The following NLRP9 variants were observed in gnomAD, a reference collection of about 807,000 sequenced individuals.
NLRP9 encodes the protein NLR family pyrin domain containing 9.
In NLRP9, 88 loss-of-function variants were observed where a neutral mutation model predicts 83.1. The observed-to-expected ratio is 1.06, with a 90% CI of 0.89 to 1.26. The LOEUF is 1.26. Ranked by LOEUF, NLRP9 falls within the 50% of genes most tolerant of loss-of-function variation. The probability of loss-of-function intolerance (pLI) is 0.00; values close to 1 mark genes in which losing one functional copy is unlikely to be tolerated. For missense variants in NLRP9, 1,308 were observed against 1,179.3 expected (o/e 1.11, Z -1.60); for synonymous variants, 521 against 447.6 (o/e 1.16, Z -2.07).
At chr19:55,723,815 C>G (rs1988310671) in intron 4 of NLRP9, among the ~76,000 whole-genome samples, 165 bp downstream of exon 4, 1 of 151,826 alleles carries the variant, frequency 6.6e-6, no homozygotes. Flanking sequence ...GAGGCCTTGC[C>G]CGGCAGAATC....
chr19:55,717,868 C>G (rs1281463058), intron 4 of NLRP9, among the ~76,000 whole-genome samples: 6 of 152,150 alleles, frequency 3.9e-5, no homozygotes, highest in Admixed American at 2.6e-4. Flanking sequence ...CATCCACACG[C>G]CACGCCCCAG....
chr19:55,708,932 T>C lies in NLRP9; in HGVS notation c.2956A>G (p.Ile986Val). 6.4e-7 allele frequency: 1 copy of C among 1,565,590 alleles called. No individual in the cohort carries two copies. The highest frequency in any genetic ancestry group is 8.6e-7 in the Non-Finnish European group (1 of 1,162,060). ...CCCCATCAGAGGAGCACACCCCTGATCTTGTATTCCTCGTCAATCCAAGGT... is the reference window on the plus strand; with the variant it reads ...CCCCATCAGAGGAGCACACCCCTGACCTTGTATTCCTCGTCAATCCAAGGT... ...HGPWIDEEYK[I>V]RGVLL Residue 986 changes from isoleucine (I) to valine (V), a missense_variant, in exon 9 of 9, where the codon ATC becomes GTC. By Grantham distance (29) the Ile-to-Val change is conservative. Coordinates refer to ENST00000332836, the MANE Select transcript of NLRP9 (RefSeq NM_176820.4).
At chr19:55,726,631 T>C (rs1243493696) in intron 3 of NLRP9, among the ~76,000 whole-genome samples, 1 of 152,196 alleles carries the variant, frequency 6.6e-6, no homozygotes, top group Non-Finnish European at 1.5e-5. Flanking sequence ...TTTTCTCAAG[T>C]ATAACTTCTT....
Position 55,729,850 on chromosome 19 carries a change from A to T in NLRP9, c.1975T>A (p.Cys659Ser). The T allele has an allele frequency of 6.2e-7, 1 of 1,612,520 alleles. No individual in the cohort carries two copies. Among genetic ancestry groups the T allele is most frequent in the Non-Finnish European group, 8.5e-7 (1 of 1,179,436 alleles). The change falls in exon 3 of 9, where the codon TGT (cysteine) becomes AGT (serine). Residue 659 changes from cysteine (C) to serine (S), a missense_variant. By Grantham distance (112) the Cys-to-Ser change is moderately radical (BLOSUM62 -1). Coordinates refer to ENST00000332836, the MANE Select transcript of NLRP9 (RefSeq NM_176820.4). The part of the protein sequence containing the change: ...ILCKALAQPV[C>S]KLRKLIFTSV... ...ACTTACATGAGTTTTCGGAGTTTAC[A>T]AACAGGCTGAGCCAGCGCTTTGCAA...
chr19:55,712,005 A>G (rs1365211090), intron 7 of NLRP9, 35 bp from the exon 8 acceptor site: 12 of 1,601,028 alleles, frequency 7.5e-6, no homozygotes, highest in Non-Finnish European at 9.4e-6. Flanking sequence ...AATCCACTCT[A>G]GCTTTGGGTA....
chr19:55,731,821 A>C (rs1988579930), intron 2 of NLRP9, among the ~76,000 whole-genome samples, 178 bp downstream of exon 2: 1 of 152,088 alleles, frequency 6.6e-6, no homozygotes, highest in Non-Finnish European at 1.5e-5. Flanking sequence ...CAATGGAAAA[A>C]GTTCAAGAAG....
Position 55,732,908 on chromosome 19 carries a change from G to C in NLRP9, c.923C>G (p.Ser308Cys), listed in dbSNP as rs762815278. Residue 308 changes from serine to cysteine, a missense_variant, in exon 2 of 9, where the codon TCC (serine) becomes TGC (cysteine). Transcript: ENST00000332836. ...TTTGCTCTTCTCACCAAAGAAGTAG[G>C]AGAAATACGACTTCTTTTCAGATTC... is the stretch of plus-strand genomic sequence containing the variant. Reference protein sequence around the residue: ...FSESEKKSYFSYFFGEKSKAL... With the variant: ...FSESEKKSYFCYFFGEKSKAL... 10 of 1,613,786 alleles carry C rather than the reference G, an allele frequency of 6.2e-6. No homozygotes were observed. The highest frequency in any genetic ancestry group is 8.5e-6 in the Non-Finnish European group (10 of 1,179,982).
intron 4 of NLRP9, among the ~76,000 whole-genome samples, chr19:55,721,001 C>T (rs1988207821): frequency 6.6e-6 from 1 of 152,176 alleles, no homozygotes; most frequent in Admixed American, 6.6e-5. Context: ...AAGATCAACA[C>T]CCTTAAGTGT....
At chr19:55,725,284 A>T (rs1222745530) in intron 3 of NLRP9, among the ~76,000 whole-genome samples, 1 of 152,210 alleles carries the variant, frequency 6.6e-6, no homozygotes, top group African/African-American at 2.4e-5. Context: ...ACCATATATA[A>T]TATGTATTTA....
At chr19:55,715,318 A>G in intron 5 of NLRP9, 93 bp from the exon 6 acceptor site, 4 of 1,064,190 alleles carry the variant, frequency 3.8e-6, no homozygotes, top group Non-Finnish European at 5.4e-6. Context: ...GAAGCTTCCT[A>G]TGGTAATATT....
intron 5 of NLRP9, 124 bp downstream of exon 5, chr19:55,716,604 A>G: frequency 1.3e-6 from 1 of 760,998 alleles, no homozygotes. Context: ...AAAGGAACTC[A>G]GGTCTAGCTA....
intron 8 of NLRP9, 65 bp from the exon 9 acceptor site, chr19:55,709,109 A>G: frequency 8.6e-7 from 1 of 1,159,790 alleles, no homozygotes. Context: ...GCCTCTCTAC[A>G]TTCTGATGTC....
chr19:55,717,966 T>C (rs58869521), intron 4 of NLRP9, among the ~76,000 whole-genome samples: 17,442 of 152,092 alleles, frequency 0.11, 1,405 homozygotes, highest in East Asian at 0.23. Flanking sequence ...AAGGAAGACA[T>C]AAGAAACTCC....
intron 4 of NLRP9, among the ~76,000 whole-genome samples, chr19:55,718,964 G>T (rs1988130416): frequency 6.6e-6 from 1 of 152,152 alleles, no homozygotes; most frequent in East Asian, 1.9e-4. Flanking sequence ...TTATTAAATT[G>T]AGAGTCAGAT....
intron 4 of NLRP9, 105 bp from the exon 5 acceptor site, chr19:55,717,003 G>A (rs1039159271): frequency 2.4e-5 from 19 of 788,592 alleles, no homozygotes; most frequent in Admixed American, 6.7e-5. Flanking sequence ...TGCACCTGCC[G>A]ATCCATTATC....
At chr19:55,720,322 G>T (rs1988185380) in intron 4 of NLRP9, among the ~76,000 whole-genome samples, 1 of 152,108 alleles carries the variant, frequency 6.6e-6, no homozygotes, top group Non-Finnish European at 1.5e-5. Context: ...TTTGGGCTTG[G>T]AAACAATTAT....
chr19:55,712,478 C>A lies in NLRP9; in HGVS notation c.2614G>T (p.Gly872Cys), dbSNP rs763947573. Residue 872 changes from glycine (G) to cysteine (C), a missense_variant, in exon 7 of 9, where the codon GGT becomes TGT. Physicochemically the swap from Gly to Cys is radical, Grantham distance 159 (BLOSUM62 -3). Transcript: ENST00000332836. ...AAAGCTGCACATAACTGTCTGACAC[C>A]AGTGTCTCCTATTTCATTATGCCCA... is the stretch of plus-strand genomic sequence containing the variant. ...KLGHNEIGDTGVRQLCAALQH... is the reference protein window; with the variant it reads ...KLGHNEIGDTCVRQLCAALQH... 10 of 1,612,766 alleles carry A rather than the reference C, an allele frequency of 6.2e-6. No individual in the cohort carries two copies. The highest frequency in any genetic ancestry group is 8.5e-7 in the Non-Finnish European group (1 of 1,179,806).
chr19:55,712,674 G>A (rs928358106), intron 6 of NLRP9, 84 bp from the exon 7 acceptor site: 22 of 1,207,850 alleles, frequency 1.8e-5, no homozygotes, highest in African/African-American at 1.3e-4. Flanking sequence ...TTCATATGAC[G>A]CAAGAAATAC....
intron 4 of NLRP9, among the ~76,000 whole-genome samples, chr19:55,721,142 C>G (rs911693147): frequency 2.6e-5 from 4 of 152,146 alleles, no homozygotes; most frequent in African/African-American, 4.8e-5. Context: ...TTAAAAACAG[C>G]TTTGTACATT....
Sources: gnomAD v4.1 joint callset for allele counts (sites outside exome capture counted in the v4.1 genomes callset) on GRCh38, gnomAD v4.1.1 for gene constraint, MANE v1.5 for transcripts, NCBI Gene and HGNC (gene_info 2026-07-23, HGNC 2026-07-21) for gene names.